Variants in UNC13A observed in about 807,000 individuals in gnomAD.
UNC13A encodes protein unc-13 homolog A.
Under a neutral mutation model 219.7 loss-of-function variants are expected in UNC13A, and 61 were observed. That is an observed-to-expected ratio of 0.28 (90% CI 0.23 to 0.34). The LOEUF (loss-of-function observed/expected upper bound fraction) is 0.34. Among genes scored for constraint, UNC13A ranks in the 10% least tolerant of loss-of-function variants. The pLI is 1.00. For missense variants in UNC13A, 1,476 were observed against 2,270.3 expected (o/e 0.65, Z 7.11); for synonymous variants, 920 against 884.6 (o/e 1.04, Z -0.71).
At chr19:17,643,961 G>T (rs2076996828) in intron 19 of UNC13A, among the ~76,000 whole-genome samples, 1 of 152,044 alleles carries the variant, frequency 6.6e-6, no homozygotes, top group African/African-American at 2.4e-5. Flanking sequence ...ATCAGAATGG[G>T]ATATCTAGAT....
intron 28 of UNC13A, among the ~76,000 whole-genome samples, chr19:17,631,070 TCCC>T (rs2076839361): frequency 2.0e-5 from 2 of 102,268 alleles, no homozygotes; most frequent in Admixed American, 1.0e-4. Flanking sequence ...CCTCCCTCCC[TCCC>T]TCCTTCCTTC....
intron 6 of UNC13A, among the ~76,000 whole-genome samples, chr19:17,667,246 T>C (rs2079672680): frequency 2.3e-5 from 2 of 87,060 alleles, no homozygotes; most frequent in Non-Finnish European, 4.8e-5. Flanking sequence ...CGAGACTCCG[T>C]CTCAAAAAAG....
At chr19:17,617,885 G>T (rs771683894) in intron 40 of UNC13A, 36 bp from the exon 41 acceptor site, 1 of 1,611,720 alleles carries the variant, frequency 6.2e-7, no homozygotes, top group Non-Finnish European at 8.5e-7. Context: ...TGAGGATGGT[G>T]GGAACCTCTA....
chr19:17,616,271 T>C (rs1599831423), intron 41 of UNC13A: 1 of 508,304 alleles, frequency 2.0e-6, no homozygotes, highest in Non-Finnish European at 3.5e-6. Flanking sequence ...GCCTGGGCCC[T>C]CCAAGCCGCT....
In UNC13A at chr19:17,606,035, G is replaced by C; in HGVS notation, c.*19C>G. 1 of 1,473,566 alleles carries C rather than the reference G, an allele frequency of 6.8e-7. No individual in the cohort carries two copies. The highest frequency in any genetic ancestry group is 8.9e-7 in the Non-Finnish European group (1 of 1,117,712). 91.3% of individuals were successfully genotyped at this position (1,473,566 alleles called of 1,614,324 possible). ...GCGCCCTCCGCGCAGGCGCAGTGCC[G>C]CTCGGCCGACCGCCCGCGCTAAGGC... On this transcript the variant is annotated 3_prime_UTR_variant, in exon 44 of 44. Coordinates refer to ENST00000519716, the MANE Select transcript of UNC13A (RefSeq NM_001080421.3).
chr19:17,670,129 G>T (rs538468415), intron 4 of UNC13A, among the ~76,000 whole-genome samples: 3 of 151,590 alleles, frequency 2.0e-5, no homozygotes, highest in African/African-American at 4.8e-5. Flanking sequence ...TGTATATTTA[G>T]TAGAGACGGG....
intron 30 of UNC13A, 84 bp from the exon 31 acceptor site, chr19:17,629,407 T>A: frequency 7.8e-7 from 1 of 1,286,482 alleles, no homozygotes; most frequent in Non-Finnish European, 1.1e-6. Context: ...ACTAGTGAGA[T>A]CAGTGATGAA....
intron 41 of UNC13A, 107 bp downstream of exon 41, chr19:17,617,594 GC>G (rs1242719131): frequency 5.4e-5 from 80 of 1,482,040 alleles, no homozygotes; most frequent in Admixed American, 7.5e-5. Flanking sequence ...TGTCAATTCC[GC>G]CCCATCCATG....
chr19:17,670,376 GATTACAGGT>G (rs997550229), intron 4 of UNC13A, among the ~76,000 whole-genome samples: 1 of 151,956 alleles, frequency 6.6e-6, no homozygotes, highest in African/African-American at 2.4e-5. Context: ...GAGCTGCTGG[GATTACAGGT>G]ACGTGCCAGC....
intron 7 of UNC13A, among the ~76,000 whole-genome samples, chr19:17,665,272 GT>G (rs1171926631): frequency 6.6e-6 from 1 of 152,060 alleles, no homozygotes; most frequent in Non-Finnish European, 1.5e-5. Context: ...GTGCAGTGGG[GT>G]TTTGGTGTCA....
intron 9 of UNC13A, among the ~76,000 whole-genome samples, chr19:17,656,851 T>C (rs571908853): frequency 4.1e-3 from 80 of 19,552 alleles, no homozygotes; most frequent in African/African-American, 0.024. Flanking sequence ...AAATTCCGTC[T>C]CAAAAAAAAA....
At chr19:17,615,860 G>A (rs2076657005) in intron 41 of UNC13A, among the ~76,000 whole-genome samples, 1 of 152,138 alleles carries the variant, frequency 6.6e-6, no homozygotes, top group Admixed American at 6.5e-5. Context: ...TGTAGTCCCA[G>A]CTCCTCGGGA....
intron 41 of UNC13A, among the ~76,000 whole-genome samples, chr19:17,613,162 G>T (rs2076622459): frequency 6.6e-6 from 1 of 152,034 alleles, no homozygotes; most frequent in Non-Finnish European, 1.5e-5. Flanking sequence ...AACCTGGGAG[G>T]CAGAGGTTGC....
intron 29 of UNC13A, 108 bp downstream of exon 29, chr19:17,630,546 A>G: frequency 7.8e-7 from 1 of 1,274,810 alleles, no homozygotes; most frequent in Non-Finnish European, 1.1e-6. Flanking sequence ...GAGCAAGACA[A>G]AGATGGCGGA....
chr19:17,660,788 T>C (rs1476469510), intron 8 of UNC13A, among the ~76,000 whole-genome samples: 1 of 152,124 alleles, frequency 6.6e-6, no homozygotes, highest in Admixed American at 6.6e-5. Context: ...TACCTCGGCC[T>C]CCCAAAGTGC....
At position 17,674,867 on chromosome 19, in the gene UNC13A, C is replaced by A. The variant is rs1269658377; in HGVS notation, c.53-111G>T. 13 of 878,522 alleles carry A rather than the reference C, an allele frequency of 1.5e-5. No individual in the cohort carries two copies. The highest frequency in any genetic ancestry group is 2.4e-5 in the Non-Finnish European group (13 of 551,176). The allele number at this position is 878,522 out of a possible 1,614,324, so 54.4% of individuals were successfully genotyped here. A position where few individuals can be genotyped will look rare whatever the true frequency, so the allele number is the denominator to read the frequency against. Reference sequence around the variant, plus strand: ...CCCTCAGGAATTTCTGGGCCACTCACCCCCTAACCCACAACCCCACCCTCA... The same window carrying A: ...CCCTCAGGAATTTCTGGGCCACTCAACCCCTAACCCACAACCCCACCCTCA... On this transcript the variant is annotated intron_variant, in intron 2 of 43. Coordinates refer to ENST00000519716, the MANE Select transcript of UNC13A (RefSeq NM_001080421.3). The surrounding 1 kb of genome is among the most constrained non-coding windows in gnomAD (Gnocchi z 5.0).
intron 40 of UNC13A, 87 bp from the exon 41 acceptor site, chr19:17,617,936 A>C (rs2076685901): frequency 6.6e-7 from 1 of 1,522,436 alleles, no homozygotes; most frequent in South Asian, 1.2e-5. Context: ...CCCCACTCCC[A>C]ATTCTTCCCG....
chr19:17,680,457 C>T (rs957945452), intron 1 of UNC13A, among the ~76,000 whole-genome samples: 4 of 152,156 alleles, frequency 2.6e-5, no homozygotes, highest in African/African-American at 9.7e-5. Context: ...CACTGCTGTC[C>T]CCAGCGACGA....
At chr19:17,685,611 T>C (rs755288974) in intron 1 of UNC13A, among the ~76,000 whole-genome samples, 6 of 152,218 alleles carry the variant, frequency 3.9e-5, no homozygotes, top group Non-Finnish European at 7.3e-5. Flanking sequence ...TTGCTGGGAC[T>C]ATATCTGTAG....
Sources: gnomAD v4.1 joint callset for allele counts (sites outside exome capture counted in the v4.1 genomes callset) on GRCh38, gnomAD v4.1.1 for gene constraint, Gnocchi (gnomAD v3.1) non-coding constraint, MANE v1.5 for transcripts, NCBI Gene and HGNC (gene_info 2026-07-23, HGNC 2026-07-21) for gene names.